Variants in RAB8B observed in about 807,000 individuals in gnomAD.
The protein encoded by RAB8B is RAB8B, member RAS oncogene family.
Under a neutral mutation model 32.0 loss-of-function variants are expected in RAB8B, and 11 were observed. That is an observed-to-expected ratio of 0.34 (90% CI 0.22 to 0.57). The LOEUF is 0.57. Ranked by LOEUF, RAB8B falls within the 20% of genes least tolerant of loss-of-function variation. The pLI is 0.86. For synonymous variants in RAB8B, 103 were observed against 89.6 expected (o/e 1.15, Z -0.85); for missense variants, 190 against 258.5 (o/e 0.73, Z 1.82).
chr15:63,225,391 G>A (rs2141124377), intron 1 of RAB8B, among the ~76,000 whole-genome samples: 1 of 152,266 alleles, frequency 6.6e-6, no homozygotes, highest in East Asian at 1.9e-4. Context: ...AATTTTTATT[G>A]CTGTCATATA....
At chr15:63,262,352 G>A (rs1567022469) in intron 6 of RAB8B, among the ~76,000 whole-genome samples, 1 of 152,088 alleles carries the variant, frequency 6.6e-6, no homozygotes, top group Non-Finnish European at 1.5e-5. Context: ...ATTGGAAAAT[G>A]TTTATGATAC....
At chr15:63,263,417 AC>A in intron 7 of RAB8B, 109 bp from the exon 8 acceptor site, 1 of 544,964 alleles carries the variant, frequency 1.8e-6, no homozygotes, top group Admixed American at 3.4e-5. Flanking sequence ...TACACATTTC[AC>A]TAGAATACAC....
At chr15:63,243,332 G>A (rs1196216434) in intron 1 of RAB8B, among the ~76,000 whole-genome samples, 1 of 152,196 alleles carries the variant, frequency 6.6e-6, no homozygotes, top group African/African-American at 2.4e-5. Context: ...CAAAAGAATA[G>A]AAAAATCTAA....
At chr15:63,207,439 C>T (rs1309673567) in intron 1 of RAB8B, among the ~76,000 whole-genome samples, 1 of 152,166 alleles carries the variant, frequency 6.6e-6, no homozygotes, top group African/African-American at 2.4e-5. Flanking sequence ...AGTTCATTTC[C>T]TCTTTTTATC....
chr15:63,191,944 A>G lies in RAB8B; in HGVS notation c.124+2196A>G, dbSNP rs1440896029. Among the ~76,000 whole-genome samples, 5 of 152,344 alleles carry G rather than the reference A, an allele frequency of 3.3e-5. No homozygotes were observed. In the East Asian group the frequency reaches 5.8e-4, roughly 18 times the overall value. On this transcript the variant is annotated intron_variant, in intron 1 of 7. Transcript: ENST00000321437. ...CAGTGGATTTCAAAAAATGATGGAA[A>G]TGAGGTTCTTTGGAGGGTGACAGCT... is the stretch of plus-strand genomic sequence containing the variant.
At chr15:63,238,003 A>C (rs1250133336) in intron 1 of RAB8B, among the ~76,000 whole-genome samples, 1 of 151,782 alleles carries the variant, frequency 6.6e-6, no homozygotes, top group Non-Finnish European at 1.5e-5. Context: ...CCTTTCCCCC[A>C]ATGTATGTAC....
At chr15:63,191,479 T>C (rs2037555680) in intron 1 of RAB8B, among the ~76,000 whole-genome samples, 1 of 152,240 alleles carries the variant, frequency 6.6e-6, no homozygotes, top group African/African-American at 2.4e-5. Context: ...AGTGGGACTT[T>C]TTCTTTTCTG....
chr15:63,219,635 T>G (rs1289420673), intron 1 of RAB8B, among the ~76,000 whole-genome samples: 1 of 152,222 alleles, frequency 6.6e-6, no homozygotes, highest in Non-Finnish European at 1.5e-5. Context: ...TAAAAATTAT[T>G]TCTTACCAGT....
intron 1 of RAB8B, among the ~76,000 whole-genome samples, chr15:63,192,168 G>A (rs1049434325): frequency 1.3e-5 from 2 of 152,188 alleles, no homozygotes; most frequent in African/African-American, 4.8e-5. Flanking sequence ...GCTCCAACAG[G>A]AAGTGGTAGC....
intron 2 of RAB8B, among the ~76,000 whole-genome samples, chr15:63,247,710 T>G (rs1164160225): frequency 4.6e-5 from 7 of 152,226 alleles, no homozygotes; most frequent in Admixed American, 4.6e-4. Context: ...ATATTAGCTG[T>G]TGCCTTAGGC....
intron 1 of RAB8B, among the ~76,000 whole-genome samples, chr15:63,212,115 G>A (rs1418279717): frequency 2.0e-5 from 3 of 152,154 alleles, no homozygotes; most frequent in Non-Finnish European, 4.4e-5. Context: ...TTACAGTCAT[G>A]AGCCACAGTG....
At chr15:63,262,150 C>G (rs1160328619) in intron 6 of RAB8B, among the ~76,000 whole-genome samples, 2 of 152,098 alleles carry the variant, frequency 1.3e-5, no homozygotes, top group South Asian at 4.1e-4. Flanking sequence ...TATTTATTCA[C>G]TCATTAAACC....
At chr15:63,254,318 A>G (rs1173100595) in intron 3 of RAB8B, among the ~76,000 whole-genome samples, 1 of 152,164 alleles carries the variant, frequency 6.6e-6, no homozygotes, top group Non-Finnish European at 1.5e-5. Context: ...CCCCTAGCAT[A>G]TGAGCTCCCC....
At chr15:63,190,136 TAA>T (rs1320899724) in intron 1 of RAB8B, among the ~76,000 whole-genome samples, 1 of 135,672 alleles carries the variant, frequency 7.4e-6, no homozygotes, top group Non-Finnish European at 1.5e-5. Flanking sequence ...TGCCAATGAT[TAA>T]AAGACAGGAG....
chr15:63,211,662 G>C (rs930201054), intron 1 of RAB8B, among the ~76,000 whole-genome samples: 2 of 152,024 alleles, frequency 1.3e-5, no homozygotes, highest in Admixed American at 6.6e-5. Context: ...AGTTTTGGTG[G>C]ATTTTTTTTG....
At chr15:63,220,270 T>C (rs1285871624) in intron 1 of RAB8B, among the ~76,000 whole-genome samples, 1 of 152,234 alleles carries the variant, frequency 6.6e-6, no homozygotes, top group African/African-American at 2.4e-5. Context: ...AGAGACTGCA[T>C]TGTTGCCTTT....
rs146727821 is a variant in RAB8B, at chr15:63,216,200, TTTAATTAA to T, written c.124+26476_124+26483del. ...ATAAATGTTTCAATCCAACTTTTAC[TTTAATTAA>T]TTAATTAATTAATTAATTAATTATT... is the stretch of plus-strand genomic sequence containing the variant. On this transcript the variant is annotated intron_variant, in intron 1 of 7. Coordinates refer to ENST00000321437, the MANE Select transcript of RAB8B (RefSeq NM_016530.3). 1.3e-3 allele frequency among the ~76,000 whole-genome samples: 180 copies of T among 133,470 alleles called. 1 individual carries two copies. Among genetic ancestry groups the T allele is most frequent in the Admixed American group, 2.1e-3 (28 of 13,144 alleles). 87.6% of individuals were successfully genotyped at this position (133,470 alleles called of 152,430 possible). A position where few individuals can be genotyped will look rare whatever the true frequency, so the allele number is the denominator to read the frequency against.
chr15:63,204,555 A>G (rs1276249221), intron 1 of RAB8B, among the ~76,000 whole-genome samples: 1 of 152,210 alleles, frequency 6.6e-6, no homozygotes, highest in Non-Finnish European at 1.5e-5. Flanking sequence ...TGAGTTTCTG[A>G]GTGAAATCTC....
In RAB8B at chr15:63,259,770, T is replaced by G. The variant is rs549034061; in HGVS notation, c.480+78T>G. ...CCTGTGTTCAAACAGCTCTCAGAGCTTTGGTATTTTCTGACCTAATGAATG... is the reference window on the plus strand; with the variant it reads ...CCTGTGTTCAAACAGCTCTCAGAGCGTTGGTATTTTCTGACCTAATGAATG... On this transcript the variant is annotated intron_variant, in intron 6 of 7. Transcript: ENST00000321437. This position sits in a 1 kb window ranked among gnomAD's most constrained non-coding sequence, Gnocchi z 4.4. The G allele has an allele frequency of 3.8e-5, 49 of 1,295,636 alleles. No homozygotes were observed. In the African/African-American group the frequency reaches 6.4e-4, roughly 17 times the overall value. 80.3% of individuals were successfully genotyped at this position (1,295,636 alleles called of 1,614,324 possible).
Sources: gnomAD v4.1 joint callset for allele counts (sites outside exome capture counted in the v4.1 genomes callset) on GRCh38, gnomAD v4.1.1 for gene constraint, Gnocchi (gnomAD v3.1) non-coding constraint, MANE v1.5 for transcripts, NCBI Gene and HGNC (gene_info 2026-07-23, HGNC 2026-07-21) for gene names.